Variants in ADD3 observed in about 807,000 individuals in gnomAD.
ADD3 encodes the protein gamma-adducin.
Under a neutral mutation model 80.2 loss-of-function variants are expected in ADD3, and 25 were observed. The observed-to-expected ratio is 0.31, with a 90% CI of 0.23 to 0.44. ADD3 has a LOEUF of 0.44. Ranked by LOEUF, ADD3 falls within the 20% of genes least tolerant of loss-of-function variation. The probability of loss-of-function intolerance (pLI) is 1.00; values close to 1 mark genes in which losing one functional copy is unlikely to be tolerated. For missense variants in ADD3, 829 were observed against 847.5 expected (o/e 0.98, Z 0.27); for synonymous variants, 284 against 289.6 (o/e 0.98, Z 0.20).
chr10:110,069,441 A>C (rs562821993), intron 1 of ADD3, among the ~76,000 whole-genome samples: 2 of 152,194 alleles, frequency 1.3e-5, no homozygotes, highest in Non-Finnish European at 2.9e-5. Context: ...ACCTTAGCCC[A>C]TTTTTCAATC....
chr10:110,018,731 T>C (rs1186095877), intron 1 of ADD3, among the ~76,000 whole-genome samples: 1 of 152,164 alleles, frequency 6.6e-6, no homozygotes, highest in Non-Finnish European at 1.5e-5. Flanking sequence ...TGGTTCACAA[T>C]ATCTTGCCAC....
At position 110,118,632 on chromosome 10, in the gene ADD3, A is replaced by C. The variant is rs1418958174; in HGVS notation, c.613A>C (p.Asn205His). 10 of 1,613,962 alleles carry C rather than the reference A, an allele frequency of 6.2e-6. No individual in the cohort carries two copies. In the South Asian group the frequency reaches 1.1e-4, roughly 18 times the overall value. The change falls in exon 6 of 15, where the codon AAT becomes CAT. Residue 205 changes from asparagine to histidine, a missense_variant. Physicochemically the swap from Asn to His is moderately conservative, Grantham distance 68. Coordinates refer to ENST00000356080, the MANE Select transcript of ADD3 (RefSeq NM_016824.5). ...IGEVVDQGST[N>H]LKIDHTGFSP... ...AGAAGTGGTTGACCAGGGAAGTACC[A>C]ATTTGAAAATTGACCATACAGGATT...
intron 1 of ADD3, among the ~76,000 whole-genome samples, chr10:110,031,906 C>CTTTT (rs11369505): frequency 1.5e-3 from 221 of 146,222 alleles, no homozygotes; most frequent in South Asian, 4.8e-3. Flanking sequence ...TACCTCAATA[C>CTTTT]TTTTTTTTTT....
chr10:110,067,543 A>T (rs1209117050), intron 1 of ADD3, among the ~76,000 whole-genome samples: 3 of 152,222 alleles, frequency 2.0e-5, no homozygotes, highest in African/African-American at 7.2e-5. Flanking sequence ...CAGGAGTCAC[A>T]GTATTGCTTA....
intron 1 of ADD3, among the ~76,000 whole-genome samples, chr10:110,062,424 A>G (rs1859038848): frequency 6.6e-6 from 1 of 151,188 alleles, no homozygotes. Flanking sequence ...CAAAAAAAAA[A>G]AAAAAAGATA....
At chr10:110,092,419 G>A (rs1305789844) in intron 1 of ADD3, among the ~76,000 whole-genome samples, 1 of 152,100 alleles carries the variant, frequency 6.6e-6, no homozygotes, top group Non-Finnish European at 1.5e-5. Flanking sequence ...GTCCTTTGCA[G>A]CAACATGGAT....
chr10:110,079,479 T>A (rs914781581), intron 1 of ADD3, among the ~76,000 whole-genome samples: 16 of 151,106 alleles, frequency 1.1e-4, no homozygotes, highest in African/African-American at 3.7e-4. Flanking sequence ...TGTGTGTGTG[T>A]GTGTGTGTGT....
intron 1 of ADD3, among the ~76,000 whole-genome samples, chr10:110,082,264 A>T (rs1161970905): frequency 5.3e-5 from 8 of 152,042 alleles, no homozygotes; most frequent in Non-Finnish European, 1.0e-4. Context: ...TGAGCTTCAG[A>T]ATACATTTGA....
At chr10:110,051,906 G>A (rs1276717065) in intron 1 of ADD3, among the ~76,000 whole-genome samples, 6 of 152,142 alleles carry the variant, frequency 3.9e-5, no homozygotes, top group Non-Finnish European at 7.4e-5. Flanking sequence ...GGGTTCAAGC[G>A]ATCCTCCAAC....
At chr10:110,079,658 C>T (rs1280680981) in intron 1 of ADD3, among the ~76,000 whole-genome samples, 3 of 151,966 alleles carry the variant, frequency 2.0e-5, no homozygotes, top group South Asian at 4.1e-4. Flanking sequence ...CAGGTTCAAG[C>T]GATTCTCCTG....
chr10:110,053,914 C>T (rs551018546), intron 1 of ADD3, among the ~76,000 whole-genome samples: 6 of 152,218 alleles, frequency 3.9e-5, no homozygotes, highest in African/African-American at 9.6e-5. Flanking sequence ...GTTCTATGTA[C>T]GAAGATGTTT....
intron 1 of ADD3, among the ~76,000 whole-genome samples, chr10:110,083,583 A>G (rs941555919): frequency 1.3e-5 from 2 of 151,748 alleles, no homozygotes; most frequent in Non-Finnish European, 2.9e-5. Flanking sequence ...GCTTTTTTTT[A>G]GGAAGAGTCA....
upstream of ADD3, among the ~76,000 whole-genome samples, chr10:110,007,483 A>G (rs1271187309): frequency 2.0e-5 from 3 of 152,172 alleles, no homozygotes; most frequent in African/African-American, 7.2e-5. Context: ...GAGTAGGAGT[A>G]GGGGGCTCGC....
intron 1 of ADD3, among the ~76,000 whole-genome samples, chr10:110,087,112 T>A (rs974827878): frequency 6.6e-6 from 1 of 151,974 alleles, no homozygotes; most frequent in Admixed American, 6.6e-5. Context: ...CACTGCAACC[T>A]CTGCCTCCCA....
At chr10:110,080,185 G>C (rs943440905) in intron 1 of ADD3, among the ~76,000 whole-genome samples, 1 of 152,192 alleles carries the variant, frequency 6.6e-6, no homozygotes, top group African/African-American at 2.4e-5. Flanking sequence ...TTTCTCCTCA[G>C]AGCAGTGAAA....
At position 110,027,674 on chromosome 10, in the gene ADD3, C is replaced by A. The variant is rs1292507346; in HGVS notation, c.-30+19375C>A. Among the ~76,000 whole-genome samples the A allele has an allele frequency of 2.0e-5, 3 of 152,238 alleles. No individual in the cohort carries two copies. The East Asian group carries it at 5.8e-4, about 29-fold the overall frequency. ...TCCCTGGAACATCTTTCTCTTTTAT[C>A]CCACCTCAGGTGAGAATTCCTCCAC... On this transcript the variant is annotated intron_variant, in intron 1 of 14. Transcript: ENST00000356080.
chr10:110,133,385 A>G lies in ADD3; in HGVS notation c.1888A>G (p.Asn630Asp). ...CATGGAAGTGCCTGTCATGGTAGTA[A>G]ATGGCAAGGATGATATGCATGATGT... ...ISMEVPVMVV[N>D]GKDDMHDVED... The change falls in exon 15 of 15, where the codon AAT (asparagine) becomes GAT (aspartate). Residue 630 changes from asparagine (N) to aspartate (D), a missense_variant. Coordinates refer to ENST00000356080, the MANE Select transcript of ADD3 (RefSeq NM_016824.5). 4 of 1,609,724 alleles carry G rather than the reference A, an allele frequency of 2.5e-6. No homozygotes were observed. The highest frequency in any genetic ancestry group is 1.1e-5 in the South Asian group (1 of 90,866).
intron 1 of ADD3, chr10:110,077,172 C>T (rs1417145128): frequency 6.6e-6 from 1 of 152,138 alleles, no homozygotes; most frequent in African/African-American, 2.4e-5. Context: ...TAAGGGGAAA[C>T]ACAGATAAGA....
At chr10:110,044,615 A>C (rs1478311636) in intron 1 of ADD3, among the ~76,000 whole-genome samples, 1 of 152,272 alleles carries the variant, frequency 6.6e-6, no homozygotes, top group East Asian at 1.9e-4. Context: ...TTTCAGATAC[A>C]GTTAGTGATG....
Sources: allele counts gnomAD v4.1 joint callset (sites outside exome capture counted in the v4.1 genomes callset), GRCh38; gene constraint gnomAD v4.1.1; transcripts MANE v1.5; gene names NCBI Gene and HGNC (gene_info 2026-07-23, HGNC 2026-07-21).